The following LYPD1 variants were observed in gnomAD, a reference collection of about 807,000 sequenced individuals.
LYPD1 encodes the protein ly6/PLAUR domain-containing protein 1.
Under a neutral mutation model 14.2 loss-of-function variants are expected in LYPD1, and 14 were observed. The observed-to-expected ratio is 0.99, with a 90% CI of 0.65 to 1.54. LYPD1 has a LOEUF of 1.54. Among genes scored for constraint, LYPD1 ranks in the 40% most tolerant of loss-of-function variants. The pLI, the probability that LYPD1 is intolerant of heterozygous loss-of-function variation, is 0.00. For missense variants in LYPD1, 165 were observed against 175.7 expected (o/e 0.94, Z 0.34); for synonymous variants, 85 against 70.6 (o/e 1.20, Z -1.02).
chr2:132,656,482 C>T (rs1443045432), intron 2 of LYPD1, among the ~76,000 whole-genome samples: 1 of 152,084 alleles, frequency 6.6e-6, no homozygotes, highest in African/African-American at 2.4e-5. Flanking sequence ...TCACTGAGCT[C>T]AAAGAAACTG....
intron 2 of LYPD1, among the ~76,000 whole-genome samples, chr2:132,665,081 A>G (rs911358239): frequency 3.3e-5 from 5 of 152,240 alleles, no homozygotes; most frequent in Admixed American, 6.5e-5. Flanking sequence ...AGAAATGACC[A>G]AAGGGAACAA....
At chr2:132,663,044 G>A (rs994933175) in intron 2 of LYPD1, 1 of 152,154 alleles carries the variant, frequency 6.6e-6, no homozygotes, top group Non-Finnish European at 1.5e-5. Context: ...TGCTTCTTGA[G>A]AACTAAGTGG....
At chr2:132,655,245 G>A (rs900712779) in intron 2 of LYPD1, among the ~76,000 whole-genome samples, 14 of 152,188 alleles carry the variant, frequency 9.2e-5, no homozygotes, top group African/African-American at 3.1e-4. Context: ...TCAACCAGCC[G>A]GTTTGGAGAT....
chr2:132,658,876 A>T lies in LYPD1; in HGVS notation c.190+9524T>A, dbSNP rs115269035. ...GACCAAGGCTGAATTCCAAGGTAGCAGAGTTCCAGCTGAGGACTGGCCAGT... is the reference window on the plus strand; with the variant it reads ...GACCAAGGCTGAATTCCAAGGTAGCTGAGTTCCAGCTGAGGACTGGCCAGT... On this transcript the variant is annotated intron_variant, in intron 2 of 2. Transcript: ENST00000397463. Among the ~76,000 whole-genome samples the T allele has an allele frequency of 2.9e-3, 446 of 152,320 alleles. 1 individual carries two copies. Among genetic ancestry groups the T allele is most frequent in the African/African-American group, 9.9e-3 (412 of 41,582 alleles).
Position 132,646,135 on chromosome 2 carries a change from C to G in LYPD1, c.336G>C (p.Lys112Asn). 6.2e-7 allele frequency: 1 copy of G among 1,611,016 alleles called. No individual in the cohort carries two copies. Among genetic ancestry groups the G allele is most frequent in the Non-Finnish European group, 8.5e-7 (1 of 1,178,412 alleles). Residue 112 changes from lysine (K) to asparagine (N), a missense_variant, in exon 3 of 3, where the codon AAG becomes AAC. Transcript: ENST00000397463. ...NTPLCNGPRP[K>N]KRGSSASALR... ...GGGCCGAGGCAGAACTTCCCCTTTT[C>G]TTGGGCCTTGGCCCGTTACAAAGAG... is the stretch of plus-strand genomic sequence containing the variant.
chr2:132,659,297 T>A (rs1682792102), intron 2 of LYPD1, among the ~76,000 whole-genome samples: 1 of 152,168 alleles, frequency 6.6e-6, no homozygotes, highest in Non-Finnish European at 1.5e-5. Flanking sequence ...ATTGCGTGTC[T>A]CCATACCAGT....
intron 2 of LYPD1, among the ~76,000 whole-genome samples, chr2:132,659,141 G>T (rs1470603689): frequency 6.6e-6 from 1 of 152,090 alleles, no homozygotes; most frequent in Admixed American, 6.5e-5. Flanking sequence ...AAAAGTAAAA[G>T]GTATATTCAA....
chr2:132,650,789 T>TG (rs1159603072), intron 2 of LYPD1, among the ~76,000 whole-genome samples: 2 of 152,182 alleles, frequency 1.3e-5, no homozygotes, highest in Non-Finnish European at 2.9e-5. Context: ...GATGCAGTTT[T>TG]AAGAGCTTTA....
At chr2:132,655,805 C>T (rs1682562848) in intron 2 of LYPD1, among the ~76,000 whole-genome samples, 1 of 152,144 alleles carries the variant, frequency 6.6e-6, no homozygotes, top group Admixed American at 6.5e-5. Context: ...TGAGCCACCG[C>T]ACCTGGCCAA....
At position 132,645,974 on chromosome 2, in the gene LYPD1, C is replaced by T; in HGVS notation, c.*71G>A. On this transcript the variant is annotated 3_prime_UTR_variant, in exon 3 of 3. Coordinates refer to ENST00000397463, the MANE Select transcript of LYPD1 (RefSeq NM_144586.7). ...TAAAAGGACACCCAGAAGAAACTCA[C>T]TCAGGGAGGTGGGGGGTTGGGGGCG... 8.4e-7 allele frequency: 1 copy of T among 1,190,944 alleles called. No homozygotes were observed. The highest frequency in any genetic ancestry group is 2.6e-5 in the Admixed American group (1 of 37,936). 73.8% of individuals were successfully genotyped at this position (1,190,944 alleles called of 1,614,324 possible). A position where few individuals can be genotyped will look rare whatever the true frequency, so the allele number is the denominator to read the frequency against.
At chr2:132,664,664 T>TC (rs1164771131) in intron 2 of LYPD1, among the ~76,000 whole-genome samples, 23 of 152,242 alleles carry the variant, frequency 1.5e-4, no homozygotes, top group African/African-American at 5.5e-4. Flanking sequence ...TTTTGCTCAC[T>TC]GACAGAGCTA....
Position 132,654,297 on chromosome 2 carries a change from A to G in LYPD1, c.191-8017T>C, listed in dbSNP as rs576188175. Among the ~76,000 whole-genome samples the G allele has an allele frequency of 5.3e-5, 8 of 151,672 alleles. No homozygotes were observed. The South Asian group carries it at 1.7e-3, about 32-fold the overall frequency. On this transcript the variant is annotated intron_variant, in intron 2 of 2. Transcript: ENST00000397463. ...TTGCCTGTGGTCCCAGCTACTCCGG[A>G]GGCTTAGGTGGGATGATCATTTGAG...
intron 2 of LYPD1, among the ~76,000 whole-genome samples, chr2:132,660,202 C>A (rs73955779): frequency 2.1e-3 from 322 of 152,346 alleles, no homozygotes; most frequent in African/African-American, 7.4e-3. Context: ...CGTATCACAA[C>A]TTCCTTAAAA....
At chr2:132,649,580 A>G (rs1213936710) in intron 2 of LYPD1, among the ~76,000 whole-genome samples, 2 of 152,178 alleles carry the variant, frequency 1.3e-5, no homozygotes, top group African/African-American at 4.8e-5. Context: ...GCTGCTAGGT[A>G]GCTTTAAGAA....
In LYPD1 at chr2:132,644,836, C is replaced by T. The variant is rs1681964850; in HGVS notation, c.*1209G>A. On this transcript the variant is annotated 3_prime_UTR_variant, in exon 3 of 3. Coordinates refer to ENST00000397463, the MANE Select transcript of LYPD1 (RefSeq NM_144586.7). ...AAAACATTTTTTTAAAATTAACAGA[C>T]ATCAACTGGTATAAATACACTGTCT... 2 of 431,930 alleles carry T rather than the reference C, an allele frequency of 4.6e-6. No homozygotes were observed. The highest frequency in any genetic ancestry group is 4.1e-5 in the African/African-American group (2 of 48,802). The allele number at this position is 431,930 out of a possible 1,614,324, so 26.8% of individuals were successfully genotyped here.
intron 2 of LYPD1, among the ~76,000 whole-genome samples, chr2:132,658,429 C>A (rs1682729820): frequency 1.3e-5 from 2 of 152,094 alleles, no homozygotes; most frequent in South Asian, 4.2e-4. Flanking sequence ...GAAGTGTTGC[C>A]CCAGAGACTA....
At chr2:132,652,359 G>C (rs1682392642) in intron 2 of LYPD1, among the ~76,000 whole-genome samples, 1 of 152,080 alleles carries the variant, frequency 6.6e-6, no homozygotes, top group African/African-American at 2.4e-5. Flanking sequence ...ATTTGAAGGG[G>C]GTCTGGAAGT....
At position 132,644,137 on chromosome 2, in the gene LYPD1, G is replaced by A. The variant is rs1681933939; in HGVS notation, c.*1908C>T. Among the ~76,000 whole-genome samples, 1 of 152,178 alleles carries A rather than the reference G, an allele frequency of 6.6e-6. No homozygotes were observed. The highest frequency in any genetic ancestry group is 2.4e-5 in the African/African-American group (1 of 41,446). ...CTGTAACTAAACTCTCATGATACCTGTGATTTCAGTTGTTTGTGGTCTATG... is the reference window on the plus strand; with the variant it reads ...CTGTAACTAAACTCTCATGATACCTATGATTTCAGTTGTTTGTGGTCTATG... On this transcript the variant is annotated 3_prime_UTR_variant, in exon 3 of 3. Coordinates refer to ENST00000397463, the MANE Select transcript of LYPD1 (RefSeq NM_144586.7).
intron 2 of LYPD1, among the ~76,000 whole-genome samples, chr2:132,655,507 G>A (rs1682534021): frequency 1.0e-5 from 1 of 96,432 alleles, no homozygotes; most frequent in Non-Finnish European, 2.0e-5. Flanking sequence ...CTTGGGGGTT[G>A]AGAAGCATTT....
Sources: gnomAD v4.1 joint callset for allele counts (sites outside exome capture counted in the v4.1 genomes callset) on GRCh38, gnomAD v4.1.1 for gene constraint, MANE v1.5 for transcripts, NCBI Gene and HGNC (gene_info 2026-07-23, HGNC 2026-07-21) for gene names.